Variants in AUTS2 observed in about 807,000 individuals in gnomAD.
AUTS2 encodes the protein activator of transcription and developmental regulator AUTS2, also known as autism susceptibility gene 2 protein.
Under a neutral mutation model 112.4 loss-of-function variants are expected in AUTS2, and 17 were observed. The observed-to-expected ratio is 0.15, with a 90% CI of 0.10 to 0.23. The LOEUF is 0.23. AUTS2 is among the 10% of genes least tolerant of loss of function. The pLI is 1.00. For synonymous variants in AUTS2, 751 were observed against 702.7 expected, an observed-to-expected ratio of 1.07 and a Z score of -1.09; for missense variants, 1,510 against 1,701.6, an observed-to-expected ratio of 0.89 and a Z score of 1.98.
chr7:70,151,212 C>T (rs756238539), intron 4 of AUTS2, among the ~76,000 whole-genome samples: 22 of 152,122 alleles, frequency 1.4e-4, no homozygotes, highest in Non-Finnish European at 2.6e-4. Context: ...CAGAGGATTG[C>T]TTTCCGTTAT....
At chr7:69,654,982 G>C (rs187985971) in intron 1 of AUTS2, among the ~76,000 whole-genome samples, 427 of 152,186 alleles carry the variant, frequency 2.8e-3, no homozygotes, top group South Asian at 0.011. Context: ...TGTTTCTGTG[G>C]TTAATTTGTG....
intron 2 of AUTS2, among the ~76,000 whole-genome samples, chr7:69,917,026 T>G (rs2129542405): frequency 6.6e-6 from 1 of 152,276 alleles, no homozygotes; most frequent in South Asian, 2.1e-4. Context: ...TTGTTTTGTT[T>G]TGTTTTAGAG....
chr7:69,829,030 G>A (rs1370392788), intron 1 of AUTS2, among the ~76,000 whole-genome samples: 1 of 152,116 alleles, frequency 6.6e-6, no homozygotes, highest in Non-Finnish European at 1.5e-5. Flanking sequence ...CATGGTAGTG[G>A]TACCAAAACA....
At chr7:70,025,059 C>T (rs1800453098) in intron 2 of AUTS2, among the ~76,000 whole-genome samples, 1 of 152,172 alleles carries the variant, frequency 6.6e-6, no homozygotes, top group Non-Finnish European at 1.5e-5. Context: ...CACATGCACA[C>T]AAATGAGGTT....
intron 5 of AUTS2, among the ~76,000 whole-genome samples, chr7:70,599,501 G>A (rs529130967): frequency 4.4e-4 from 67 of 152,324 alleles, no homozygotes; most frequent in Non-Finnish European, 7.2e-4. Context: ...CAAGGAGCCT[G>A]TTAGAAATGC....
chr7:70,630,351 A>G (rs550738075), intron 5 of AUTS2, among the ~76,000 whole-genome samples: 2 of 152,296 alleles, frequency 1.3e-5, no homozygotes, highest in African/African-American at 2.4e-5. Flanking sequence ...CCAAATGTAC[A>G]TAACTATAGA....
intron 1 of AUTS2, among the ~76,000 whole-genome samples, chr7:69,803,274 G>T (rs569876487): frequency 6.6e-6 from 1 of 152,304 alleles, no homozygotes; most frequent in Non-Finnish European, 1.5e-5. Flanking sequence ...GCTCTGAAGT[G>T]CACCAATTGG....
rs1042393696 is a variant in AUTS2 at position 69,671,999 on chromosome 7, G to T, written c.309+72037G>T. ...GGCAGGGTCTGAGGCAGTAGGTTGAGGGGGGGTCCCATATTCAGCTTCCCA... is the reference window on the plus strand; with the variant it reads ...GGCAGGGTCTGAGGCAGTAGGTTGATGGGGGGTCCCATATTCAGCTTCCCA... On this transcript the variant is annotated intron_variant, in intron 1 of 18. Coordinates refer to ENST00000342771, the MANE Select transcript of AUTS2 (RefSeq NM_015570.4). 6.0e-5 allele frequency among the ~76,000 whole-genome samples: 9 copies of T among 151,218 alleles called. No individual in the cohort carries two copies. In the East Asian group the frequency reaches 9.7e-4, roughly 16 times the overall value.
At chr7:69,651,502 G>T (rs78714323) in intron 1 of AUTS2, among the ~76,000 whole-genome samples, 1,659 of 152,210 alleles carry the variant, frequency 0.011, 13 homozygotes, top group Non-Finnish European at 0.014. Context: ...ATGAGGTTAT[G>T]GCTCTGTGGG....
At chr7:69,696,717 T>C (rs558558725) in intron 1 of AUTS2, among the ~76,000 whole-genome samples, 26 of 152,312 alleles carry the variant, frequency 1.7e-4, no homozygotes, top group African/African-American at 6.0e-4. Context: ...CTTGTCACTT[T>C]GTGTAACATT....
intron 2 of AUTS2, among the ~76,000 whole-genome samples, chr7:70,001,017 G>C (rs1407497423): frequency 6.6e-6 from 1 of 152,146 alleles, no homozygotes; most frequent in Non-Finnish European, 1.5e-5. Context: ...TTAAGCTTGG[G>C]CTTTTAGATC....
intron 5 of AUTS2, among the ~76,000 whole-genome samples, chr7:70,661,773 A>G (rs1429393696): frequency 3.3e-5 from 5 of 152,166 alleles, no homozygotes; most frequent in African/African-American, 1.2e-4. Flanking sequence ...AGGTGGACCC[A>G]GGCTGTGTTG....
chr7:69,801,888 A>T (rs1230530473), intron 1 of AUTS2, among the ~76,000 whole-genome samples: 10 of 152,136 alleles, frequency 6.6e-5, no homozygotes, highest in African/African-American at 2.4e-4. Context: ...CCAGGAAATG[A>T]TGTGATGTGT....
At chr7:70,776,060 G>T (rs1790668241) in intron 13 of AUTS2, among the ~76,000 whole-genome samples, 1 of 152,210 alleles carries the variant, frequency 6.6e-6, no homozygotes, top group Non-Finnish European at 1.5e-5. Context: ...AAGGAGAATT[G>T]TGTCATCACT....
At chr7:70,231,776 G>C (rs142537387) in intron 4 of AUTS2, among the ~76,000 whole-genome samples, 1 of 99,332 alleles carries the variant, frequency 1.0e-5, no homozygotes, top group South Asian at 3.3e-4. Flanking sequence ...TTGTTTGTTT[G>C]TTTTGTTTTT....
intron 1 of AUTS2, among the ~76,000 whole-genome samples, chr7:69,684,659 C>A (rs559012033): frequency 3.3e-5 from 5 of 151,890 alleles, no homozygotes; most frequent in African/African-American, 1.2e-4. Context: ...GAGTAACTAG[C>A]GAAAAATAAT....
rs1168432086 is a variant in AUTS2 at position 70,754,780 on chromosome 7, A to C, written c.743-8090A>C. On this transcript the variant is annotated intron_variant, in intron 6 of 18. Coordinates refer to ENST00000342771, the MANE Select transcript of AUTS2 (RefSeq NM_015570.4). Reference sequence around the variant, plus strand: ...TCTCTTTCTAAGTCATAAGGATTAGATATTCAAAAAGATACGGATGAATGG... The same window carrying C: ...TCTCTTTCTAAGTCATAAGGATTAGCTATTCAAAAAGATACGGATGAATGG... Among the ~76,000 whole-genome samples, 7 of 152,050 alleles carry C rather than the reference A, an allele frequency of 4.6e-5. No homozygotes were observed. In the East Asian group the frequency reaches 1.3e-3, roughly 29 times the overall value.
chr7:70,500,867 C>T (rs1798746239), intron 5 of AUTS2, among the ~76,000 whole-genome samples: 1 of 152,006 alleles, frequency 6.6e-6, no homozygotes, highest in South Asian at 2.1e-4. Flanking sequence ...GGATTTCAGG[C>T]ATCCGCCACC....
chr7:69,984,406 C>CA (rs34689325), intron 2 of AUTS2, among the ~76,000 whole-genome samples: 32,005 of 80,454 alleles, frequency 0.4, 5,637 homozygotes, highest in Middle Eastern at 0.48. Context: ...GACTCTGTCT[C>CA]AAAAAAAAAA....
Sources: gnomAD v4.1 joint callset for allele counts (sites outside exome capture counted in the v4.1 genomes callset) on GRCh38, gnomAD v4.1.1 for gene constraint, MANE v1.5 for transcripts, NCBI Gene and HGNC (gene_info 2026-07-23, HGNC 2026-07-21) for gene names.